The following SOX30 variants were observed in gnomAD, a reference collection of about 807,000 sequenced individuals.
SOX30 encodes transcription factor SOX-30.
A neutral mutation model predicts 58.6 loss-of-function variants in SOX30; 17 were observed. The observed-to-expected ratio is 0.29, with a 90% CI of 0.20 to 0.44. SOX30 has a LOEUF of 0.44. SOX30 is among the 20% of genes least tolerant of loss of function. The probability of loss-of-function intolerance (pLI) is 1.00; values close to 1 mark genes in which losing one functional copy is unlikely to be tolerated. For synonymous variants in SOX30, 421 were observed against 400.2 expected, an observed-to-expected ratio of 1.05 and a Z score of -0.62; for missense variants, 951 against 965.8, an observed-to-expected ratio of 0.98 and a Z score of 0.20.
intron 3 of SOX30, among the ~76,000 whole-genome samples, chr5:157,641,938 T>G (rs1475773875): frequency 6.6e-6 from 1 of 152,134 alleles, no homozygotes; most frequent in Non-Finnish European, 1.5e-5. Context: ...TATCTTAATG[T>G]GATAAAAGTG....
In SOX30 at chr5:157,626,391, A is replaced by G. The variant is rs1300740856; in HGVS notation, c.2211T>C (p.Asn737=). ...TSTPSSIQQV[N]VTDSDEEEEE... ...CTTCCTCCTCATCACTGTCGGTGAC[A>G]TTGACTTGCTGGATGCTAGAAGGAG... Residue 737 remains asparagine (N), a synonymous_variant, in exon 5 of 5, where the codon AAT becomes AAC. Coordinates refer to ENST00000265007, the MANE Select transcript of SOX30 (RefSeq NM_178424.2). 1 of 1,613,648 alleles carries G rather than the reference A, an allele frequency of 6.2e-7. No individual in the cohort carries two copies. Among genetic ancestry groups the G allele is most frequent in the Non-Finnish European group, 8.5e-7 (1 of 1,179,746 alleles).
chr5:157,649,399 T>C (rs1173806614), intron 1 of SOX30, among the ~76,000 whole-genome samples: 1 of 152,212 alleles, frequency 6.6e-6, no homozygotes, highest in Non-Finnish European at 1.5e-5. Flanking sequence ...TGTAATACTA[T>C]ATTAGTTGTA....
chr5:157,651,727 C>G lies in SOX30; in HGVS notation c.352G>C (p.Gly118Arg). The G allele has an allele frequency of 1.9e-6, 3 of 1,570,004 alleles. No individual in the cohort carries two copies. The highest frequency in any genetic ancestry group is 2.6e-6 in the Non-Finnish European group (3 of 1,160,314). Reference protein sequence around the residue: ...RLLQPPTASDGATSRPELHPV... With the variant: ...RLLQPPTASDRATSRPELHPV... ...TGCAACTCGGGCCTGGAGGTGGCGC[C>G]GTCTGACGCTGTCGGCGGCTGCAGG... Residue 118 changes from glycine (G) to arginine (R), a missense_variant, in exon 1 of 5, where the codon GGC (glycine) becomes CGC (arginine). Physicochemically the swap from Gly to Arg is moderately radical, Grantham distance 125. Around this residue, in one of 7 missense-constraint regions of SOX30, gnomAD observed 363 missense variants for 294.5 expected, o/e 1.23. Transcript: ENST00000265007.
chr5:157,648,932 C>T (rs999701004), intron 1 of SOX30, 36 bp from the exon 2 acceptor site: 2 of 1,514,604 alleles, frequency 1.3e-6, no homozygotes, highest in African/African-American at 4.7e-5. Flanking sequence ...AATTAATGTG[C>T]CATACACACA....
intron 4 of SOX30, among the ~76,000 whole-genome samples, chr5:157,632,139 A>G (rs1406291740): frequency 1.3e-5 from 2 of 149,746 alleles, no homozygotes; most frequent in Non-Finnish European, 3.0e-5. Context: ...GACCCTTCTG[A>G]GTACCCAATG....
intron 2 of SOX30, among the ~76,000 whole-genome samples, chr5:157,659,177 A>C (rs1041260290): frequency 1.3e-5 from 2 of 152,236 alleles, no homozygotes; most frequent in Non-Finnish European, 2.9e-5. Context: ...TTATTGCTTT[A>C]CTTTCTTAAA....
intron 4 of SOX30, among the ~76,000 whole-genome samples, chr5:157,632,047 TAAAAAAA>T (rs570172679): frequency 0.12 from 6,577 of 56,362 alleles, 176 homozygotes; most frequent in Middle Eastern, 0.15. Flanking sequence ...ACCCCGTAAC[TAAAAAAA>T]AAAAAAAAAA....
chr5:157,651,023 T>G, intron 1 of SOX30, 89 bp downstream of exon 1: 1 of 981,248 alleles, frequency 1.0e-6, no homozygotes, highest in Non-Finnish European at 1.5e-6. Flanking sequence ...TACTTTACTT[T>G]TGTAGTTTAG....
chr5:157,649,698 G>A lies in SOX30; in HGVS notation c.968-802C>T, dbSNP rs897811278. Among the ~76,000 whole-genome samples the A allele has an allele frequency of 2.0e-5, 3 of 152,118 alleles. No homozygotes were observed. The East Asian group carries it at 5.8e-4, about 29-fold the overall frequency. ...CCAGCTACCTAGGAGGCTGAGGCAG[G>A]AGAATCGCTTGAACCCAGGAGGTGG... On this transcript the variant is annotated intron_variant, in intron 1 of 4. Coordinates refer to ENST00000265007, the MANE Select transcript of SOX30 (RefSeq NM_178424.2).
chr5:157,651,318 T>C lies in SOX30; in HGVS notation c.761A>G (p.His254Arg). Residue 254 changes from histidine to arginine, a missense_variant, in exon 1 of 5, where the codon CAC (histidine) becomes CGC (arginine). Physicochemically the swap from His to Arg is conservative, Grantham distance 29. Transcript: ENST00000265007. Reference protein sequence around the residue: ...LAPTSGAFGPHQQDLRIPLTL... With the variant: ...LAPTSGAFGPRQQDLRIPLTL... ...CAAAGGGATCCTAAGGTCTTGCTGGTGCGGCCCAAAGGCACCGGACGTTGG... is the reference window on the plus strand; with the variant it reads ...CAAAGGGATCCTAAGGTCTTGCTGGCGCGGCCCAAAGGCACCGGACGTTGG... The C allele has an allele frequency of 1.2e-6, 2 of 1,614,090 alleles. No individual in the cohort carries two copies. The highest frequency in any genetic ancestry group is 1.7e-6 in the Non-Finnish European group (2 of 1,180,046).
chr5:157,662,206 A>T (rs1025535201), intron 2 of SOX30, among the ~76,000 whole-genome samples: 2 of 152,170 alleles, frequency 1.3e-5, no homozygotes, highest in African/African-American at 4.8e-5. Flanking sequence ...TCCTCTTTTA[A>T]TCCCAATTTT....
chr5:157,662,385 G>A (rs1382747161), intron 2 of SOX30, among the ~76,000 whole-genome samples: 1 of 151,012 alleles, frequency 6.6e-6, no homozygotes, highest in African/African-American at 2.4e-5. Context: ...TTCTACTTTG[G>A]CTTTTCTTTT....
intron 4 of SOX30, among the ~76,000 whole-genome samples, chr5:157,627,425 C>T (rs72811388): frequency 0.048 from 7,327 of 151,992 alleles, 279 homozygotes; most frequent in South Asian, 0.1. Context: ...TGCAATAGTG[C>T]AATAGTTGTT....
chr5:157,630,643 G>T (rs1758767287), intron 4 of SOX30, among the ~76,000 whole-genome samples: 1 of 151,630 alleles, frequency 6.6e-6, no homozygotes, highest in South Asian at 2.1e-4. Flanking sequence ...GGTCTTTACA[G>T]ATTGGCTTTG....
At chr5:157,646,901 A>AGT in intron 2 of SOX30, 85 bp from the exon 3 acceptor site, 1 of 992,402 alleles carries the variant, frequency 1.0e-6, no homozygotes, top group Non-Finnish European at 1.6e-6. Flanking sequence ...AAAGCACTTT[A>AGT]AAGTGTTTTA....
intron 4 of SOX30, among the ~76,000 whole-genome samples, chr5:157,628,976 C>A (rs2113831018): frequency 6.6e-6 from 1 of 152,206 alleles, no homozygotes; most frequent in South Asian, 2.1e-4. Context: ...CAGCTTTGCT[C>A]ATATAGCAGG....
chr5:157,649,355 C>A (rs1241460518), intron 1 of SOX30, among the ~76,000 whole-genome samples: 1 of 152,182 alleles, frequency 6.6e-6, no homozygotes, highest in African/African-American at 2.4e-5. Context: ...ACATGCTGCT[C>A]TTGTGTCCTT....
In SOX30 at chr5:157,652,366, TCTGA is replaced by T; in HGVS notation, c.-292_-289del. On this transcript the variant is annotated 5_prime_UTR_variant, in exon 1 of 5. An upstream open reading frame in the 5' UTR gains an earlier in-frame stop. Transcript: ENST00000265007. ...CGCCGCACTTGTTGCACATTTTCGT[TCTGA>T]CTCTCTTGTGGAGTTCTCTTACAGC... 1 of 1,156,676 alleles carries T rather than the reference TCTGA, an allele frequency of 8.6e-7. No homozygotes were observed. Among genetic ancestry groups the T allele is most frequent in the Non-Finnish European group, 1.1e-6 (1 of 941,260 alleles). 71.7% of individuals were successfully genotyped at this position (1,156,676 alleles called of 1,614,324 possible). A position where few individuals can be genotyped will look rare whatever the true frequency, so the allele number is the denominator to read the frequency against.
chr5:157,626,771 C>A (rs1305093536), intron 4 of SOX30, 50 bp from the exon 5 acceptor site: 5 of 1,535,698 alleles, frequency 3.3e-6, no homozygotes, highest in Non-Finnish European at 4.4e-6. Flanking sequence ...CACATATTGC[C>A]TTGCATACAG....
Sources: gnomAD v4.1 joint callset for allele counts (sites outside exome capture counted in the v4.1 genomes callset) on GRCh38, gnomAD v4.1.1 for gene constraint, gnomAD v4.1.1 regional missense constraint, MANE v1.5 for transcripts, NCBI Gene and HGNC (gene_info 2026-07-23, HGNC 2026-07-21) for gene names.